LNX1: variants seen among roughly 807,000 people sequenced by gnomAD.
LNX1 encodes the protein ligand of numb-protein X 1.
In LNX1, 54 loss-of-function variants were observed where a neutral mutation model predicts 68.4. That is an observed-to-expected ratio of 0.79 (90% CI 0.63 to 0.99). LNX1 has a LOEUF of 0.99. LNX1 is among the 50% of genes least tolerant of loss of function. The pLI, the probability that LNX1 is intolerant of heterozygous loss-of-function variation, is 0.00. For synonymous variants in LNX1, 336 were observed against 350.0 expected (o/e 0.96, Z 0.45); for missense variants, 906 against 926.4 (o/e 0.98, Z 0.29).
At chr4:53,504,428 G>C in intron 4 of LNX1, among the ~76,000 whole-genome samples, 1 of 152,216 alleles carries the variant, frequency 6.6e-6, no homozygotes, top group Non-Finnish European at 1.5e-5. Context: ...ACCTTCCTCT[G>C]GATTAGGCTT....
intron 4 of LNX1, among the ~76,000 whole-genome samples, chr4:53,502,463 T>C (rs529682335): frequency 6.6e-6 from 1 of 152,242 alleles, no homozygotes; most frequent in African/African-American, 2.4e-5. Context: ...ACTTTATTGC[T>C]AAAACATGCT....
rs762969714 is a variant in LNX1 at position 53,508,180 on chromosome 4, C to G, written c.428G>C (p.Arg143Pro). The G allele has an allele frequency of 6.2e-7, 1 of 1,614,030 alleles. No homozygotes were observed. Among genetic ancestry groups the G allele is most frequent in the Non-Finnish European group, 8.5e-7 (1 of 1,180,016 alleles). ...GCCGTCTGGACAGCCATCTTGTGAG[C>G]GCCTCTTCCTATCTTTGGTCAGGCC... ...HYGLTKDRKR[R>P]SQDGCPDGCA... Residue 143 changes from arginine (R) to proline (P), a missense_variant, in exon 3 of 11, where the codon CGC (arginine) becomes CCC (proline). By Grantham distance (103) the Arg-to-Pro change is moderately radical. Coordinates refer to ENST00000263925, the MANE Select transcript of LNX1 (RefSeq NM_001126328.3).
At position 53,564,940 on chromosome 4, in the gene LNX1, C is replaced by T. The variant is rs1328671791; in HGVS notation, c.380+8683G>A. On this transcript the variant is annotated intron_variant, in intron 2 of 10. Transcript: ENST00000263925. The stretch of plus-strand genomic sequence containing the variant: ...CCACCCGAATACTGCGCTTTTCCGA[C>T]GGGCTTAAAAAATGGCGCACCACGA... 3.9e-5 allele frequency among the ~76,000 whole-genome samples: 6 copies of T among 152,194 alleles called. No homozygotes were observed. The East Asian group carries it at 7.7e-4, about 20-fold the overall frequency.
chr4:53,564,560 A>C (rs1415619725), intron 2 of LNX1, among the ~76,000 whole-genome samples: 1 of 152,168 alleles, frequency 6.6e-6, no homozygotes, highest in Non-Finnish European at 1.5e-5. Flanking sequence ...TCCAGCTCCT[A>C]ATCCTCAGAA....
intron 1 of LNX1, among the ~76,000 whole-genome samples, chr4:53,630,688 T>C (rs1734234996): frequency 6.6e-6 from 1 of 152,126 alleles, no homozygotes; most frequent in Non-Finnish European, 1.5e-5. Context: ...ACCAACAACA[T>C]ATATTAGATG....
Position 53,563,537 on chromosome 4 carries a change from CTT to C in LNX1, c.380+10084_380+10085del, listed in dbSNP as rs763612909. Among the ~76,000 whole-genome samples the C allele has an allele frequency of 2.2e-3, 308 of 142,456 alleles. 2 individuals carry two copies. In the East Asian group the frequency reaches 0.048, roughly 22 times the overall value. The allele number at this position is 142,456 out of a possible 152,430, so 93.5% of individuals were successfully genotyped here. Reference sequence around the variant, plus strand: ...TCTGGTTCTAGGTTAGCTTCAAATTCTTTTTTTTTTTTTTTGAGACAGAGTCT... The same window carrying C: ...TCTGGTTCTAGGTTAGCTTCAAATTCTTTTTTTTTTTTTGAGACAGAGTCT... On this transcript the variant is annotated intron_variant, in intron 2 of 10. Transcript: ENST00000263925.
intron 6 of LNX1, among the ~76,000 whole-genome samples, chr4:53,483,953 G>A (rs1158361288): frequency 6.6e-6 from 1 of 152,218 alleles, no homozygotes; most frequent in Non-Finnish European, 1.5e-5. Flanking sequence ...TGGAGGTAGG[G>A]CCTTTGGGAG....
chr4:53,626,388 AT>A (rs760156506), intron 1 of LNX1, among the ~76,000 whole-genome samples: 19 of 152,216 alleles, frequency 1.2e-4, no homozygotes, highest in Non-Finnish European at 1.9e-4. Context: ...AAAAGGGTAA[AT>A]TTTAGGTATG....
intron 2 of LNX1, among the ~76,000 whole-genome samples, chr4:53,533,060 T>A (rs1315155177): frequency 6.6e-6 from 1 of 152,202 alleles, no homozygotes; most frequent in African/African-American, 2.4e-5. Flanking sequence ...GCTCCCTAGG[T>A]GCAGAGAAAG....
chr4:53,627,543 C>A (rs767298001), intron 1 of LNX1, among the ~76,000 whole-genome samples: 5 of 152,192 alleles, frequency 3.3e-5, no homozygotes, highest in Non-Finnish European at 5.9e-5. Context: ...ATTTTCTGCT[C>A]TGAATTGATG....
At chr4:53,495,807 G>C (rs1725010286) in intron 6 of LNX1, among the ~76,000 whole-genome samples, 1 of 152,192 alleles carries the variant, frequency 6.6e-6, no homozygotes, top group Non-Finnish European at 1.5e-5. Context: ...GCCTCCCAAA[G>C]TGCTGGGATT....
intron 2 of LNX1, among the ~76,000 whole-genome samples, chr4:53,571,140 C>T (rs1731140960): frequency 6.6e-6 from 1 of 151,940 alleles, no homozygotes; most frequent in African/African-American, 2.4e-5. Context: ...ATGCCTCAGC[C>T]TCCCAAGTAG....
At chr4:53,586,871 T>C (rs1328361243) in intron 1 of LNX1, among the ~76,000 whole-genome samples, 5 of 152,264 alleles carry the variant, frequency 3.3e-5, no homozygotes, top group Non-Finnish European at 7.3e-5. Context: ...TGCAAGATAC[T>C]GTGCTGGGTA....
At chr4:53,585,805 C>T (rs1158542943) in intron 1 of LNX1, among the ~76,000 whole-genome samples, 2 of 152,160 alleles carry the variant, frequency 1.3e-5, no homozygotes, top group African/African-American at 4.8e-5. Flanking sequence ...AACTTCCAGC[C>T]TCCAGAACTG....
chr4:53,601,600 G>T (rs886130332), intron 2 of LNX1, among the ~76,000 whole-genome samples: 3 of 152,174 alleles, frequency 2.0e-5, no homozygotes, highest in African/African-American at 7.2e-5. Flanking sequence ...ATTGTCCCCT[G>T]GGATGCTAAC....
chr4:53,622,296 C>A (rs2109861268), upstream of LNX1, among the ~76,000 whole-genome samples: 1 of 152,202 alleles, frequency 6.6e-6, no homozygotes, highest in Middle Eastern at 3.4e-3. Context: ...TGATTAAGTT[C>A]TTTAGAAAAC....
At chr4:53,573,395 A>G (rs1731283525) in intron 2 of LNX1, among the ~76,000 whole-genome samples, 2 of 152,236 alleles carry the variant, frequency 1.3e-5, no homozygotes, top group African/African-American at 4.8e-5. Flanking sequence ...GGTAAACTTT[A>G]TGTTACATTT....
rs75962210 is a variant in LNX1, at chr4:53,622,519, G to A, written c.-215+29649C>T. On this transcript the variant is annotated intron_variant, in intron 1 of 2. Coordinates refer to the LNX1 transcript ENST00000507168. ...CCCTCACTCTCTCACCCCAGGGCTA[G>A]CAATGGACCATTATCTCCAATTTTG... Among the ~76,000 whole-genome samples the A allele has an allele frequency of 2.0e-5, 3 of 152,192 alleles. No homozygotes were observed. In the East Asian group the frequency reaches 5.8e-4, roughly 29 times the overall value.
intron 2 of LNX1, among the ~76,000 whole-genome samples, chr4:53,559,180 T>C (rs1401132409): frequency 6.6e-6 from 1 of 152,142 alleles, no homozygotes; most frequent in African/African-American, 2.4e-5. Context: ...TGCAATGAAC[T>C]GCGTAGTCAT....
Sources: allele counts gnomAD v4.1 joint callset (sites outside exome capture counted in the v4.1 genomes callset), GRCh38; gene constraint gnomAD v4.1.1; transcripts MANE v1.5; gene names NCBI Gene and HGNC (gene_info 2026-07-23, HGNC 2026-07-21).